The following ANXA4 variants were observed in gnomAD, a reference collection of about 807,000 sequenced individuals.
ANXA4 encodes annexin A4.
ANXA4 carries 39 observed loss-of-function variants against 49.8 expected under a neutral mutation model. That is an observed-to-expected ratio of 0.78 (90% CI 0.61 to 1.02). The LOEUF (loss-of-function observed/expected upper bound fraction) is 1.02, where lower values mean the gene tolerates loss of function less well. ANXA4 is among the 50% of genes least tolerant of loss of function. The pLI, the probability that ANXA4 is intolerant of heterozygous loss-of-function variation, is 0.00. For synonymous variants in ANXA4, 134 were observed against 152.5 expected, an observed-to-expected ratio of 0.88 and a Z score of 0.89; for missense variants, 360 against 410.1, an observed-to-expected ratio of 0.88 and a Z score of 1.05.
At chr2:69,783,849 A>G (rs895171646) in intron 2 of ANXA4, among the ~76,000 whole-genome samples, 2 of 152,100 alleles carry the variant, frequency 1.3e-5, no homozygotes, top group Admixed American at 6.5e-5. Flanking sequence ...CATCCTATAT[A>G]TTGAATCATA....
At chr2:69,682,058 C>T (rs1355488726) in intron 2 of ANXA4, among the ~76,000 whole-genome samples, 1 of 151,992 alleles carries the variant, frequency 6.6e-6, no homozygotes, top group Admixed American at 6.6e-5. Flanking sequence ...AAGTATGTTG[C>T]CTAAGCTGGT....
At chr2:69,725,974 A>G (rs967312516) in intron 3 of ANXA4, among the ~76,000 whole-genome samples, 1 of 152,164 alleles carries the variant, frequency 6.6e-6, no homozygotes, top group African/African-American at 2.4e-5. Flanking sequence ...TGCAGCTGAG[A>G]AAATTATCAG....
intron 2 of ANXA4, chr2:69,653,376 A>G (rs140208645): frequency 1.3e-5 from 2 of 152,362 alleles, no homozygotes; most frequent in African/African-American, 4.8e-5. Context: ...AAGTGGGGAC[A>G]ATGAAAATTA....
chr2:69,681,621 TGTG>T (rs1388355651), intron 2 of ANXA4, among the ~76,000 whole-genome samples: 1 of 152,034 alleles, frequency 6.6e-6, no homozygotes, highest in African/African-American at 2.4e-5. Flanking sequence ...CATGAGCCTC[TGTG>T]CCCGGCCCAT....
intron 2 of ANXA4, among the ~76,000 whole-genome samples, chr2:69,784,566 G>A (rs568858411): frequency 2.0e-5 from 3 of 152,348 alleles, no homozygotes; most frequent in African/African-American, 7.2e-5. Flanking sequence ...AAGAAAAGAA[G>A]TAAAGTGCCT....
At chr2:69,733,955 AT>A (rs903124243) in intron 3 of ANXA4, among the ~76,000 whole-genome samples, 182 of 141,960 alleles carry the variant, frequency 1.3e-3, no homozygotes, top group East Asian at 5.6e-3. Flanking sequence ...GGGATGAGCT[AT>A]TTTTTTTTTT....
intron 4 of ANXA4, among the ~76,000 whole-genome samples, chr2:69,804,910 TG>T (rs1673375410): frequency 6.6e-6 from 1 of 151,950 alleles, no homozygotes; most frequent in African/African-American, 2.4e-5. Context: ...TAGCCGGGCA[TG>T]GTGCTGAGCA....
chr2:69,714,403 C>A (rs1017777561), intron 2 of ANXA4, among the ~76,000 whole-genome samples: 1 of 152,232 alleles, frequency 6.6e-6, no homozygotes, highest in Admixed American at 6.5e-5. Flanking sequence ...ATACAAGCAC[C>A]TACTCCTGGC....
intron 2 of ANXA4, among the ~76,000 whole-genome samples, chr2:69,676,721 T>C (rs1243769936): frequency 6.6e-6 from 1 of 152,094 alleles, no homozygotes; most frequent in Non-Finnish European, 1.5e-5. Flanking sequence ...GGTGAAACCC[T>C]GTCTCTACCA....
At chr2:69,728,776 T>G (rs1670026210) in intron 3 of ANXA4, among the ~76,000 whole-genome samples, 1 of 152,178 alleles carries the variant, frequency 6.6e-6, no homozygotes, top group Non-Finnish European at 1.5e-5. Flanking sequence ...TATTGTTGAG[T>G]CTTGATAGTT....
At chr2:69,664,931 C>T (rs193060197) in intron 2 of ANXA4, among the ~76,000 whole-genome samples, 3 of 152,122 alleles carry the variant, frequency 2.0e-5, no homozygotes, top group Admixed American at 6.6e-5. Context: ...GGCAAAACCC[C>T]GTGTCTACTA....
intron 8 of ANXA4, chr2:69,814,783 TGTGTGTGTGTGA>T (rs748579230): frequency 0.013 from 1,412 of 111,734 alleles, 10 homozygotes; most frequent in East Asian, 0.03. Flanking sequence ...TGTGTGTGTG[TGTGTGTGTGTGA>T]GAGAAAGAGA....
intron 3 of ANXA4, among the ~76,000 whole-genome samples, chr2:69,723,225 G>T (rs1022400226): frequency 1.1e-4 from 17 of 148,418 alleles, no homozygotes; most frequent in Non-Finnish European, 2.5e-4. Context: ...AAATAATAAA[G>T]ATAAGAGCAA....
At chr2:69,696,125 G>C (rs929341510) in intron 2 of ANXA4, among the ~76,000 whole-genome samples, 6 of 152,150 alleles carry the variant, frequency 3.9e-5, no homozygotes, top group Admixed American at 3.9e-4. Context: ...GTGAGATGCT[G>C]TTTGATAGCA....
At chr2:69,644,168 C>G (rs185390552), upstream of ANXA4, among the ~76,000 whole-genome samples, 1,738 of 12,414 alleles carry the variant, frequency 0.14, 415 homozygotes, top group African/African-American at 0.31. Flanking sequence ...ACTAAGTTCC[C>G]CCCCCCCCCC....
chr2:69,804,578 C>A lies in ANXA4; in HGVS notation c.143C>A (p.Thr48Asn), dbSNP rs759995677. ...AIISVLAYRN[T>N]AQRQEIRTAY... ...ATTAGCGTCCTTGCCTACCGCAACA[C>A]CGCCCAGCGCCAGGAGATCAGGACA... The change falls in exon 4 of 13, where the codon ACC becomes AAC. Residue 48 changes from threonine to asparagine, a missense_variant. Coordinates refer to ENST00000394295, the MANE Select transcript of ANXA4 (RefSeq NM_001153.5). The A allele has an allele frequency of 2.5e-6, 4 of 1,613,846 alleles. No homozygotes were observed. In the African/African-American group the frequency reaches 5.3e-5, roughly 22 times the overall value.
At position 69,766,477 on chromosome 2, in the gene ANXA4, G is replaced by A. The variant is rs1402222116; in HGVS notation, c.-46-15043G>A. On this transcript the variant is annotated intron_variant, in intron 1 of 12. Transcript: ENST00000394295. ...ATTATACCTTGGCCCAAATCACCCA[G>A]TTAGAAAGTACCTTTAGGAGGATTA... Among the ~76,000 whole-genome samples the A allele has an allele frequency of 2.0e-5, 3 of 152,180 alleles. No homozygotes were observed. The East Asian group carries it at 5.8e-4, about 29-fold the overall frequency.
intron 2 of ANXA4, among the ~76,000 whole-genome samples, chr2:69,783,535 A>T (rs1288464500): frequency 6.6e-6 from 1 of 152,138 alleles, no homozygotes. Flanking sequence ...TTTTTAAAAA[A>T]TTTTCCAAAT....
At chr2:69,715,695 C>G (rs899337820) in intron 2 of ANXA4, among the ~76,000 whole-genome samples, 3 of 152,202 alleles carry the variant, frequency 2.0e-5, no homozygotes, top group African/African-American at 4.8e-5. Flanking sequence ...TACTATAAAG[C>G]CAGTAACTGG....
Sources: allele counts gnomAD v4.1 joint callset (sites outside exome capture counted in the v4.1 genomes callset), GRCh38; gene constraint gnomAD v4.1.1; transcripts MANE v1.5; gene names NCBI Gene and HGNC (gene_info 2026-07-23, HGNC 2026-07-21).